Variants in FREM1 observed in about 807,000 individuals in gnomAD.
The protein encoded by FREM1 is FRAS1-related extracellular matrix protein 1.
FREM1 carries 220 observed loss-of-function variants against 210.1 expected under a neutral mutation model. The observed-to-expected ratio is 1.05, with a 90% confidence interval of 0.94 to 1.17. The LOEUF (loss-of-function observed/expected upper bound fraction) is 1.17. Ranked by LOEUF, FREM1 falls within the 50% of genes most tolerant of loss-of-function variation. The pLI, the probability that FREM1 is intolerant of heterozygous loss-of-function variation, is 0.00. For missense variants in FREM1, 3,454 were observed against 2,675.5 expected (o/e 1.29, Z -6.42); for synonymous variants, 1,189 against 980.2 (o/e 1.21, Z -3.98).
intron 16 of FREM1, among the ~76,000 whole-genome samples, chr9:14,811,830 T>C (rs7863399): frequency 6.6e-6 from 1 of 152,118 alleles, no homozygotes; most frequent in East Asian, 1.9e-4. Flanking sequence ...TGATTTGAAT[T>C]CTGAAAGTTC....
At position 14,836,257 on chromosome 9, in the gene FREM1, A is replaced by T. The variant is rs909596977; in HGVS notation, c.1881+5190T>A. ...GGGTTATACACGGTAGCACCTTCAA[A>T]CTAAAATATTGGACAGAGAGTTTTC... is the stretch of plus-strand genomic sequence containing the variant. On this transcript the variant is annotated intron_variant, in intron 10 of 36. Coordinates refer to ENST00000380880, the MANE Select transcript of FREM1 (RefSeq NM_001379081.2). This position sits in a 1 kb window ranked among gnomAD's most constrained non-coding sequence, Gnocchi z 4.9. Among the ~76,000 whole-genome samples the T allele has an allele frequency of 1.3e-5, 2 of 152,222 alleles. No homozygotes were observed. The highest frequency in any genetic ancestry group is 4.8e-5 in the African/African-American group (2 of 41,456).
intron 10 of FREM1, among the ~76,000 whole-genome samples, chr9:14,826,011 A>G (rs537927167): frequency 1.6e-4 from 24 of 152,134 alleles, no homozygotes; most frequent in African/African-American, 5.8e-4. Flanking sequence ...TCTTAAAACA[A>G]CTTCTCAGAA....
rs115740043 is a variant in FREM1 at position 14,781,075 on chromosome 9, A to G, written c.4442+3295T>C. On this transcript the variant is annotated intron_variant, in intron 24 of 36. Coordinates refer to ENST00000380880, the MANE Select transcript of FREM1 (RefSeq NM_001379081.2). ...TTTTTGGTACAACGAGGTATAATGGAAAGAACCTTCTACTGGAAATGAGCT... is the reference window on the plus strand; with the variant it reads ...TTTTTGGTACAACGAGGTATAATGGGAAGAACCTTCTACTGGAAATGAGCT... 4.2e-3 allele frequency among the ~76,000 whole-genome samples: 634 copies of G among 152,328 alleles called. 2 individuals carry two copies. The highest frequency in any genetic ancestry group is 0.014 in the African/African-American group (588 of 41,554).
intron 16 of FREM1, among the ~76,000 whole-genome samples, chr9:14,809,554 T>C (rs1022632831): frequency 6.6e-6 from 1 of 152,128 alleles, no homozygotes; most frequent in South Asian, 2.1e-4. Flanking sequence ...AAAAACCGAA[T>C]TGAAGTTGAG....
chr9:14,819,055 G>A (rs1305188070), intron 14 of FREM1, among the ~76,000 whole-genome samples, 179 bp downstream of exon 14: 1 of 152,174 alleles, frequency 6.6e-6, no homozygotes, highest in Non-Finnish European at 1.5e-5. Context: ...GAAATAAAAT[G>A]TCTGGAGGGA....
At chr9:14,877,988 G>C (rs544962354) in intron 1 of FREM1, among the ~76,000 whole-genome samples, 2 of 152,072 alleles carry the variant, frequency 1.3e-5, no homozygotes, top group Non-Finnish European at 2.9e-5. Context: ...GTGATCCCCC[G>C]GTCCAAGCCA....
At chr9:14,897,179 G>T (rs1266229422) in intron 1 of FREM1, among the ~76,000 whole-genome samples, 8 of 152,144 alleles carry the variant, frequency 5.3e-5, no homozygotes, top group African/African-American at 1.9e-4. Context: ...CATGTATTAT[G>T]CACTCACTTT....
At position 14,775,937 on chromosome 9, in the gene FREM1, T is replaced by A; in HGVS notation, c.4709A>T (p.Gln1570Leu). 1 of 1,613,988 alleles carries A rather than the reference T, an allele frequency of 6.2e-7. No homozygotes were observed. The highest frequency in any genetic ancestry group is 8.5e-7 in the Non-Finnish European group (1 of 1,179,872). The part of the protein sequence containing the change: ...TGLLQHNFTQ[Q>L]DVDSKNVAYR... ...GGCCACATTCTTGCTGTCCACATCC[T>A]GCTGGGTGAAATTGTGTTGAAGTAG... The change falls in exon 25 of 37, where the codon CAG (glutamine) becomes CTG (leucine). Residue 1570 changes from glutamine to leucine, a missense_variant. Coordinates refer to ENST00000380880, the MANE Select transcript of FREM1 (RefSeq NM_001379081.2).
Position 14,903,601 on chromosome 9 carries a change from G to T in FREM1, c.-268+6313C>A, listed in dbSNP as rs553779950. On this transcript the variant is annotated intron_variant, in intron 1 of 36. Coordinates refer to ENST00000380880, the MANE Select transcript of FREM1 (RefSeq NM_001379081.2). ...AGACTTCCTTCCTCCGATTGCAGGAGAATCATATTTTATTTAAACCCATCA... is the reference window on the plus strand; with the variant it reads ...AGACTTCCTTCCTCCGATTGCAGGATAATCATATTTTATTTAAACCCATCA... Among the ~76,000 whole-genome samples the T allele has an allele frequency of 4.3e-4, 65 of 152,222 alleles. 1 individual carries two copies. Among genetic ancestry groups the T allele is most frequent in the African/African-American group, 1.5e-3 (63 of 41,542 alleles).
chr9:14,773,549 TG>T (rs1563890252), intron 25 of FREM1, among the ~76,000 whole-genome samples: 1 of 151,744 alleles, frequency 6.6e-6, no homozygotes, highest in Non-Finnish European at 1.5e-5. Flanking sequence ...CTGAGGGTTC[TG>T]GGGAATTATG....
At chr9:14,833,147 T>A (rs1388127628) in intron 10 of FREM1, among the ~76,000 whole-genome samples, 3 of 152,214 alleles carry the variant, frequency 2.0e-5, no homozygotes, top group Non-Finnish European at 2.9e-5. Context: ...AGCCAGTTTG[T>A]CACTCTGGGT....
At chr9:14,763,715 G>A (rs1424308639) in intron 27 of FREM1, among the ~76,000 whole-genome samples, 1 of 152,152 alleles carries the variant, frequency 6.6e-6, no homozygotes, top group Non-Finnish European at 1.5e-5. Flanking sequence ...CCCAAACACA[G>A]CACTTGCTGA....
At chr9:14,827,013 A>G (rs1413822607) in intron 10 of FREM1, among the ~76,000 whole-genome samples, 1 of 152,250 alleles carries the variant, frequency 6.6e-6, no homozygotes, top group Admixed American at 6.5e-5. Flanking sequence ...AGACAGAGTT[A>G]GGTACTGAAA....
chr9:14,850,242 T>C (rs1461963078), intron 6 of FREM1, among the ~76,000 whole-genome samples: 1 of 152,190 alleles, frequency 6.6e-6, no homozygotes, highest in Non-Finnish European at 1.5e-5. Context: ...AGGTGGAACC[T>C]GCAGCAAAAG....
At chr9:14,754,897 G>A (rs186795653) in intron 29 of FREM1, among the ~76,000 whole-genome samples, 2 of 152,298 alleles carry the variant, frequency 1.3e-5, no homozygotes, top group East Asian at 3.9e-4. Context: ...TTGCACCACT[G>A]CACTCCAGCC....
chr9:14,884,945 G>A (rs1483471259), intron 1 of FREM1, among the ~76,000 whole-genome samples: 2 of 38,732 alleles, frequency 5.2e-5, no homozygotes, highest in Non-Finnish European at 4.5e-5. Flanking sequence ...TTTTTTTTGA[G>A]ACGGAGTCTC....
chr9:14,903,681 C>T (rs181425811), intron 1 of FREM1, among the ~76,000 whole-genome samples: 53 of 152,278 alleles, frequency 3.5e-4, no homozygotes, highest in African/African-American at 1.2e-3. Flanking sequence ...GTTTTGAAGG[C>T]AGAAGGACAA....
chr9:14,744,191 G>T (rs1479488957), intron 35 of FREM1, among the ~76,000 whole-genome samples: 3 of 151,988 alleles, frequency 2.0e-5, no homozygotes, highest in African/African-American at 7.2e-5. Flanking sequence ...AGAGAAAAAG[G>T]TGGTTTAACT....
intron 1 of FREM1, among the ~76,000 whole-genome samples, chr9:14,881,025 C>T (rs143838334): frequency 5.6e-4 from 86 of 152,232 alleles, no homozygotes; most frequent in African/African-American, 1.9e-3. Context: ...ACAAAGGCAC[C>T]GGTGGGATTT....
Sources: allele counts gnomAD v4.1 joint callset (sites outside exome capture counted in the v4.1 genomes callset), GRCh38; gene constraint gnomAD v4.1.1; non-coding constraint Gnocchi (gnomAD v3.1); transcripts MANE v1.5; gene names NCBI Gene and HGNC (gene_info 2026-07-23, HGNC 2026-07-21).